Variants in VSTM2A observed in about 807,000 individuals in gnomAD.
VSTM2A encodes V-set and transmembrane domain containing 2A.
VSTM2A carries 13 observed loss-of-function variants against 27.3 expected under a neutral mutation model. The observed-to-expected ratio is 0.48, with a 90% confidence interval of 0.31 to 0.76. VSTM2A has a LOEUF of 0.76. Among genes scored for constraint, VSTM2A ranks in the 30% least tolerant of loss-of-function variants. The pLI is 0.05. For synonymous variants in VSTM2A, 142 were observed against 125.7 expected, an observed-to-expected ratio of 1.13 and a Z score of -0.87; for missense variants, 280 against 310.0, an observed-to-expected ratio of 0.90 and a Z score of 0.73.
intron 2 of VSTM2A, 39 bp from the exon 3 acceptor site, chr7:54,546,908 G>C: frequency 6.3e-7 from 1 of 1,595,692 alleles, no homozygotes; most frequent in Admixed American, 1.7e-5. Flanking sequence ...TGGTCGGGCG[G>C]GCCTGGCGCG....
chr7:54,568,870 G>T (rs891538311), intron 4 of VSTM2A: 3 of 873,898 alleles, frequency 3.4e-6, no homozygotes, highest in Non-Finnish European at 5.2e-6. Context: ...GTTGTTTGCA[G>T]TGCATGCCAA....
intron 4 of VSTM2A, among the ~76,000 whole-genome samples, chr7:54,561,035 G>C (rs890956417): frequency 6.6e-6 from 1 of 152,008 alleles, no homozygotes; most frequent in Non-Finnish European, 1.5e-5. Context: ...CATATGCTAT[G>C]AAGGCAATTT....
chr7:54,553,601 G>A (rs1171243782), intron 4 of VSTM2A, among the ~76,000 whole-genome samples: 4 of 152,184 alleles, frequency 2.6e-5, no homozygotes, highest in African/African-American at 7.2e-5. Context: ...CCTGCTTCTT[G>A]CTGGAGGAGT....
intron 4 of VSTM2A, among the ~76,000 whole-genome samples, chr7:54,555,864 T>C (rs1302963326): frequency 1.3e-5 from 2 of 152,160 alleles, no homozygotes; most frequent in Non-Finnish European, 2.9e-5. Flanking sequence ...TTTCTCAAAG[T>C]GAGTTGTGCA....
chr7:54,564,007 C>T (rs1440421509), intron 4 of VSTM2A, among the ~76,000 whole-genome samples: 2 of 152,126 alleles, frequency 1.3e-5, no homozygotes, highest in Admixed American at 6.5e-5. Context: ...ATAAAAATTG[C>T]ATTAGAAGCT....
Position 54,569,202 on chromosome 7 carries a change from G to A in VSTM2A, c.706G>A (p.Ala236Thr). Reference protein sequence around the residue: ...KLTLNSKHHPAPTVL With the variant: ...KLTLNSKHHPTPTVL ...GACCCTAAACTCCAAGCACCACCCTGCACCCACTGTACTCTAATTCACTAC... is the reference window on the plus strand; with the variant it reads ...GACCCTAAACTCCAAGCACCACCCTACACCCACTGTACTCTAATTCACTAC... Residue 236 changes from alanine (A) to threonine (T), a missense_variant, in exon 5 of 5, where the codon GCA becomes ACA. By Grantham distance (58) the Ala-to-Thr change is moderately conservative (BLOSUM62 0). Coordinates refer to ENST00000402613, the MANE Select transcript of VSTM2A (RefSeq NM_001301009.2). 6.4e-7 allele frequency: 1 copy of A among 1,551,644 alleles called. No homozygotes were observed. The highest frequency in any genetic ancestry group is 8.7e-7 in the Non-Finnish European group (1 of 1,146,942).
Position 54,569,163 on chromosome 7 carries a change from C to A in VSTM2A, c.667C>A (p.Arg223=), listed in dbSNP as rs1788815601. ...KSKSPVKSTE[R]TAKLTLNSKH... ...CAAATCGCCTGTAAAATCTACGGAG[C>A]GGACAGCAAAGTTGACCCTAAACTC... The change falls in exon 5 of 5, where the codon CGG becomes AGG. Residue 223 remains arginine (R), a synonymous_variant. Transcript: ENST00000402613. The A allele has an allele frequency of 1.3e-6, 2 of 1,552,934 alleles. No individual in the cohort carries two copies. Among genetic ancestry groups the A allele is most frequent in the East Asian group, 2.4e-5 (1 of 41,126 alleles).
intron 4 of VSTM2A, among the ~76,000 whole-genome samples, chr7:54,560,242 A>G (rs967121357): frequency 2.0e-5 from 3 of 152,098 alleles, no homozygotes; most frequent in African/African-American, 7.2e-5. Flanking sequence ...TATGTACCCA[A>G]AGTACTGTTG....
intron 4 of VSTM2A, chr7:54,558,817 G>A (rs1788458860): frequency 6.6e-6 from 1 of 152,002 alleles, no homozygotes; most frequent in East Asian, 1.9e-4. Flanking sequence ...AAAGAACTAA[G>A]CAGGAAAGAA....
At chr7:54,553,131 C>T (rs1313171989) in intron 4 of VSTM2A, among the ~76,000 whole-genome samples, 1 of 152,186 alleles carries the variant, frequency 6.6e-6, no homozygotes, top group Non-Finnish European at 1.5e-5. Context: ...CTGCCTATCA[C>T]AAGATAAAGC....
At chr7:54,546,554 G>GCCCCCCC (rs763266624) in intron 2 of VSTM2A, 1 of 161,680 alleles carries the variant, frequency 6.2e-6, no homozygotes, top group African/African-American at 2.6e-5. Flanking sequence ...CACCCCTGGC[G>GCCCCCCC]CCCCCCCGCC....
At chr7:54,561,058 C>T (rs1008092757) in intron 4 of VSTM2A, among the ~76,000 whole-genome samples, 3 of 151,852 alleles carry the variant, frequency 2.0e-5, no homozygotes, top group African/African-American at 7.3e-5. Context: ...TAACTTCTAG[C>T]GTTGTAAATA....
At chr7:54,543,495 T>G (rs1193689351) in intron 1 of VSTM2A, among the ~76,000 whole-genome samples, 3 of 152,092 alleles carry the variant, frequency 2.0e-5, no homozygotes, top group African/African-American at 7.2e-5. Context: ...AATGTCTCCT[T>G]AATAGCTTCC....
At chr7:54,547,715 A>G (rs939500923) in intron 3 of VSTM2A, among the ~76,000 whole-genome samples, 8 of 152,214 alleles carry the variant, frequency 5.3e-5, no homozygotes, top group Admixed American at 3.3e-4. Context: ...CGAAATAGGT[A>G]TGTAATACAA....
chr7:54,566,770 T>C (rs1321240081), intron 4 of VSTM2A, among the ~76,000 whole-genome samples: 4 of 152,146 alleles, frequency 2.6e-5, no homozygotes, highest in Non-Finnish European at 5.9e-5. Flanking sequence ...CAAAAGTGAG[T>C]GGCAGCAGAG....
chr7:54,556,822 G>A (rs969692519), intron 4 of VSTM2A: 1 of 152,212 alleles, frequency 6.6e-6, no homozygotes, highest in African/African-American at 2.4e-5. Flanking sequence ...TTGGGCCTAT[G>A]ATATCAAGGT....
At chr7:54,559,748 A>G (rs1344065406) in intron 4 of VSTM2A, 1 of 152,178 alleles carries the variant, frequency 6.6e-6, no homozygotes, top group African/African-American at 2.4e-5. Context: ...AAAGTTACCT[A>G]GTGAATGTGT....
chr7:54,545,412 G>C (rs1787916148), intron 2 of VSTM2A, among the ~76,000 whole-genome samples: 1 of 145,990 alleles, frequency 6.8e-6, no homozygotes, highest in South Asian at 2.3e-4. Flanking sequence ...GGGGAAAAAG[G>C]GGAGAGACGG....
intron 4 of VSTM2A, chr7:54,559,345 A>G (rs1584060862): frequency 6.6e-6 from 1 of 152,108 alleles, no homozygotes; most frequent in South Asian, 2.1e-4. Flanking sequence ...TTACAATGCT[A>G]TGTTTTTGGA....
Sources: gnomAD v4.1 joint callset for allele counts (sites outside exome capture counted in the v4.1 genomes callset) on GRCh38, gnomAD v4.1.1 for gene constraint, MANE v1.5 for transcripts, NCBI Gene and HGNC (gene_info 2026-07-23, HGNC 2026-07-21) for gene names.